RALYL: variants seen among roughly 807,000 people sequenced by gnomAD.
The protein encoded by RALYL is RALY RNA binding protein like.
A neutral mutation model predicts 35.1 loss-of-function variants in RALYL; 29 were observed. That is an observed-to-expected ratio of 0.83 (90% CI 0.61 to 1.13). The LOEUF (loss-of-function observed/expected upper bound fraction) is 1.13, where lower values mean the gene tolerates loss of function less well. Ranked by LOEUF, RALYL falls within the 50% of genes most tolerant of loss-of-function variation. The pLI is 0.00. For missense variants in RALYL, 359 were observed against 360.4 expected (o/e 1.00, Z 0.03); for synonymous variants, 120 against 127.6 (o/e 0.94, Z 0.40).
At chr8:84,285,072 G>T (rs185139072) in intron 1 of RALYL, among the ~76,000 whole-genome samples, 4 of 152,298 alleles carry the variant, frequency 2.6e-5, no homozygotes, top group African/African-American at 9.6e-5. Flanking sequence ...TGTATATGAT[G>T]TTGGAAGGCC....
chr8:84,223,741 T>C (rs566450975), intron 1 of RALYL, among the ~76,000 whole-genome samples: 1 of 152,338 alleles, frequency 6.6e-6, no homozygotes, highest in Non-Finnish European at 1.5e-5. Flanking sequence ...TCTTGTCCTG[T>C]ACAACTTTTT....
chr8:84,819,564 G>A (rs1270059374), intron 4 of RALYL, among the ~76,000 whole-genome samples: 2 of 152,114 alleles, frequency 1.3e-5, no homozygotes, highest in Non-Finnish European at 2.9e-5. Context: ...ACTCATTACT[G>A]TTCAATAGTA....
intron 3 of RALYL, among the ~76,000 whole-genome samples, chr8:84,784,121 A>C (rs1273640455): frequency 6.6e-6 from 1 of 152,168 alleles, no homozygotes; most frequent in African/African-American, 2.4e-5. Flanking sequence ...GGCAGTTAGA[A>C]CCCTGTGCTC....
chr8:84,913,060 A>ATAGGTAGG (rs1478394558), intron 8 of RALYL, among the ~76,000 whole-genome samples: 1 of 151,554 alleles, frequency 6.6e-6, no homozygotes, highest in Non-Finnish European at 1.5e-5. Context: ...AGATAGATAG[A>ATAGGTAGG]TAGATAGATA....
chr8:84,233,425 T>G (rs1309598339), intron 1 of RALYL, among the ~76,000 whole-genome samples: 1 of 152,196 alleles, frequency 6.6e-6, no homozygotes, highest in African/African-American at 2.4e-5. Flanking sequence ...ATTGTGTCAC[T>G]AGTGTGAGGG....
chr8:84,813,562 C>A (rs1211982871), intron 4 of RALYL, among the ~76,000 whole-genome samples: 1 of 152,160 alleles, frequency 6.6e-6, no homozygotes, highest in Non-Finnish European at 1.5e-5. Flanking sequence ...CACAGCACAC[C>A]TCACTCACAT....
intron 2 of RALYL, among the ~76,000 whole-genome samples, chr8:84,666,464 T>A (rs752398670): frequency 6.6e-6 from 1 of 152,030 alleles, no homozygotes; most frequent in Non-Finnish European, 1.5e-5. Flanking sequence ...TATGGGAGGT[T>A]AAAGTTTGAG....
chr8:84,388,725 G>T (rs1424752068), intron 1 of RALYL, among the ~76,000 whole-genome samples: 2 of 151,964 alleles, frequency 1.3e-5, no homozygotes, highest in Non-Finnish European at 2.9e-5. Context: ...TGAGTTCATT[G>T]TAGATTCTGG....
chr8:84,580,909 G>C (rs1404423200), intron 2 of RALYL, among the ~76,000 whole-genome samples: 2 of 152,152 alleles, frequency 1.3e-5, no homozygotes, highest in African/African-American at 4.8e-5. Context: ...GGTAAGTCTT[G>C]TTGGCTGGGA....
At chr8:84,352,577 A>T (rs187631557) in intron 1 of RALYL, among the ~76,000 whole-genome samples, 1 of 150,574 alleles carries the variant, frequency 6.6e-6, no homozygotes, top group East Asian at 1.9e-4. Context: ...CAGGAGGTCA[A>T]GACTGAATAG....
chr8:84,271,688 C>A (rs1834338338), intron 1 of RALYL, among the ~76,000 whole-genome samples: 1 of 151,740 alleles, frequency 6.6e-6, no homozygotes, highest in South Asian at 2.1e-4. Flanking sequence ...ACACATGCGA[C>A]AACATGAATG....
At chr8:84,904,172 T>G (rs1313657612) in intron 8 of RALYL, among the ~76,000 whole-genome samples, 1 of 152,202 alleles carries the variant, frequency 6.6e-6, no homozygotes, top group East Asian at 1.9e-4. Context: ...TAAATTCATT[T>G]TTACTTCAGT....
At chr8:84,409,738 T>A (rs1231235472) in intron 1 of RALYL, among the ~76,000 whole-genome samples, 3 of 152,056 alleles carry the variant, frequency 2.0e-5, no homozygotes, top group Non-Finnish European at 4.4e-5. Flanking sequence ...ACTAAGATCC[T>A]AAAGACCATA....
At chr8:84,573,504 A>T (rs1045138178) in intron 2 of RALYL, among the ~76,000 whole-genome samples, 1 of 151,834 alleles carries the variant, frequency 6.6e-6, no homozygotes, top group African/African-American at 2.4e-5. Context: ...GTATTCAACA[A>T]TTTCATTAGA....
chr8:84,882,320 A>G (rs1219065850), intron 7 of RALYL, among the ~76,000 whole-genome samples: 3 of 152,014 alleles, frequency 2.0e-5, no homozygotes, highest in African/African-American at 7.2e-5. Flanking sequence ...CCCTCCTCCA[A>G]TAAGCACTGG....
intron 1 of RALYL, among the ~76,000 whole-genome samples, chr8:84,271,637 A>C (rs767081734): frequency 2.6e-5 from 4 of 152,036 alleles, no homozygotes; most frequent in Admixed American, 6.6e-5. Flanking sequence ...GTGTATCCAT[A>C]TGATGGACTA....
chr8:84,470,319 A>G (rs1217227341), intron 1 of RALYL, among the ~76,000 whole-genome samples: 1 of 152,204 alleles, frequency 6.6e-6, no homozygotes, highest in African/African-American at 2.4e-5. Context: ...TATTTATTTC[A>G]GATGAAAACT....
intron 2 of RALYL, among the ~76,000 whole-genome samples, chr8:84,713,913 A>G (rs1345047390): frequency 6.6e-6 from 1 of 151,386 alleles, no homozygotes; most frequent in African/African-American, 2.4e-5. Flanking sequence ...TCAGACATAT[A>G]CATGTTTCAT....
intron 2 of RALYL, among the ~76,000 whole-genome samples, chr8:84,600,404 T>G (rs533898905): frequency 6.6e-6 from 1 of 152,298 alleles, no homozygotes; most frequent in East Asian, 1.9e-4. Flanking sequence ...AGACTGTCTC[T>G]TGGCTGGACT....
Sources: gnomAD v4.1 joint callset for allele counts (sites outside exome capture counted in the v4.1 genomes callset) on GRCh38, gnomAD v4.1.1 for gene constraint, MANE v1.5 for transcripts, NCBI Gene and HGNC (gene_info 2026-07-23, HGNC 2026-07-21) for gene names.